MDGA2: variants seen among roughly 807,000 people sequenced by gnomAD.
MDGA2 encodes the protein MAM domain-containing glycosylphosphatidylinositol anchor protein 2.
In MDGA2, 40 loss-of-function variants were observed where a neutral mutation model predicts 117.8. The ratio of observed to expected loss-of-function variants is 0.34; its 90% CI spans 0.26 to 0.44. The LOEUF (loss-of-function observed/expected upper bound fraction) is 0.44. Among genes scored for constraint, MDGA2 ranks in the 20% least tolerant of loss-of-function variants. The probability of loss-of-function intolerance (pLI) is 1.00; values close to 1 mark genes in which losing one functional copy is unlikely to be tolerated. For missense variants in MDGA2, 1,123 were observed against 1,250.6 expected, an observed-to-expected ratio of 0.90 and a Z score of 1.54; for synonymous variants, 452 against 439.0, an observed-to-expected ratio of 1.03 and a Z score of -0.37.
chr14:47,011,992 C>T (rs928874846), intron 8 of MDGA2, among the ~76,000 whole-genome samples: 1 of 41,842 alleles, frequency 2.4e-5, no homozygotes, highest in African/African-American at 7.6e-5. Context: ...CAGCACCTTC[C>T]TGAATTGTGT....
chr14:47,273,772 T>C (rs1356007635), intron 2 of MDGA2, among the ~76,000 whole-genome samples: 1 of 152,154 alleles, frequency 6.6e-6, no homozygotes, highest in East Asian at 1.9e-4. Context: ...TAAAGGATAA[T>C]ATAGTGAAGT....
chr14:47,543,569 A>ATTTT (rs1413539441), intron 1 of MDGA2, among the ~76,000 whole-genome samples: 1 of 152,170 alleles, frequency 6.6e-6, no homozygotes, highest in Non-Finnish European at 1.5e-5. Context: ...GACACCATCA[A>ATTTT]TTTTCTAGTT....
At chr14:47,036,470 A>G (rs1425106437) in intron 7 of MDGA2, among the ~76,000 whole-genome samples, 1 of 152,176 alleles carries the variant, frequency 6.6e-6, no homozygotes. Flanking sequence ...TCTTACAAAC[A>G]TCACTAGTTC....
intron 8 of MDGA2, among the ~76,000 whole-genome samples, chr14:46,987,436 T>G (rs973475702): frequency 6.6e-6 from 1 of 152,132 alleles, no homozygotes; most frequent in South Asian, 2.1e-4. Context: ...CAAGAGCTAC[T>G]CTTTATCAGA....
At chr14:46,842,221 T>C (rs547188697) in intron 16 of MDGA2, among the ~76,000 whole-genome samples, 1 of 152,256 alleles carries the variant, frequency 6.6e-6, no homozygotes, top group South Asian at 2.1e-4. Context: ...AGGCACTTGA[T>C]AAAAAGATTT....
At chr14:47,142,070 T>C (rs1419417640) in intron 4 of MDGA2, among the ~76,000 whole-genome samples, 2 of 152,180 alleles carry the variant, frequency 1.3e-5, no homozygotes, top group Non-Finnish European at 1.5e-5. Flanking sequence ...CTAAATACTT[T>C]GATAGTATGA....
intron 1 of MDGA2, among the ~76,000 whole-genome samples, chr14:47,313,347 AC>A (rs1889703078): frequency 1.3e-5 from 2 of 152,102 alleles, no homozygotes; most frequent in Admixed American, 6.5e-5. Context: ...ACCTTGGCTC[AC>A]TGCAGACTTA....
rs926214937 is a variant in MDGA2 at position 46,841,662 on chromosome 14, C to T, written c.*269G>A. The T allele has an allele frequency of 9.6e-5, 19 of 198,426 alleles. No individual in the cohort carries two copies. The highest frequency in any genetic ancestry group is 9.2e-5 in the East Asian group (1 of 10,866). 12.3% of individuals were successfully genotyped at this position (198,426 alleles called of 1,614,324 possible). On this transcript the variant is annotated 3_prime_UTR_variant, in exon 17 of 17. Coordinates refer to ENST00000399232, the MANE Select transcript of MDGA2 (RefSeq NM_001113498.3). ...TTTTTTCCAGAGTTCAACCAGATGA[C>T]GCTGTAATCTTTTTAGCCACAAAAG...
At chr14:47,180,508 A>G (rs568999866) in intron 3 of MDGA2, among the ~76,000 whole-genome samples, 2 of 152,114 alleles carry the variant, frequency 1.3e-5, no homozygotes, top group Non-Finnish European at 2.9e-5. Context: ...TGCAAGGAAA[A>G]ACCCCATAAA....
chr14:46,952,469 G>A (rs1478567373), intron 9 of MDGA2, among the ~76,000 whole-genome samples: 1 of 151,964 alleles, frequency 6.6e-6, no homozygotes, highest in Non-Finnish European at 1.5e-5. Flanking sequence ...CACTTAACCT[G>A]AGTGAAATAA....
intron 2 of MDGA2, among the ~76,000 whole-genome samples, chr14:47,225,482 T>C (rs1254605219): frequency 1.3e-5 from 2 of 151,780 alleles, no homozygotes; most frequent in South Asian, 2.1e-4. Flanking sequence ...TATGCAGCCA[T>C]AAAAAAGGAT....
At chr14:46,941,098 T>C (rs925564607) in intron 9 of MDGA2, among the ~76,000 whole-genome samples, 4 of 152,164 alleles carry the variant, frequency 2.6e-5, no homozygotes, top group African/African-American at 9.7e-5. Context: ...AGAGCACAAA[T>C]AACTGCTCTT....
chr14:47,173,252 C>T (rs1884252309), intron 3 of MDGA2, among the ~76,000 whole-genome samples: 1 of 152,106 alleles, frequency 6.6e-6, no homozygotes, highest in South Asian at 2.1e-4. Flanking sequence ...AGAACTTCCC[C>T]AATCTAGCAA....
intron 3 of MDGA2, among the ~76,000 whole-genome samples, chr14:47,149,913 TCCCTAACTC>T (rs1187068456): frequency 1.3e-5 from 2 of 152,128 alleles, no homozygotes; most frequent in Non-Finnish European, 2.9e-5. Context: ...CATACATACT[TCCCTAACTC>T]CTGGCTGAGG....
chr14:46,888,129 A>T (rs941665586), intron 10 of MDGA2, among the ~76,000 whole-genome samples: 2 of 152,016 alleles, frequency 1.3e-5, no homozygotes, highest in African/African-American at 2.4e-5. Flanking sequence ...CCAAGTCTTT[A>T]ATTTAAGCTG....
chr14:47,042,461 T>C (rs1301442961), intron 7 of MDGA2, among the ~76,000 whole-genome samples: 2 of 152,120 alleles, frequency 1.3e-5, no homozygotes, highest in Middle Eastern at 6.8e-3. Context: ...GTAAGCAACA[T>C]CTTCATTTCA....
chr14:47,178,331 T>C (rs892741982), intron 3 of MDGA2, among the ~76,000 whole-genome samples: 1 of 152,168 alleles, frequency 6.6e-6, no homozygotes, highest in Non-Finnish European at 1.5e-5. Context: ...AGAGCATCTC[T>C]ACTCGGTCGA....
chr14:47,588,891 G>A (rs1896383154), intron 1 of MDGA2, among the ~76,000 whole-genome samples: 1 of 151,910 alleles, frequency 6.6e-6, no homozygotes, highest in African/African-American at 2.4e-5. Context: ...GGAGGCTCTA[G>A]GAAAGTATCT....
rs185569854 is a variant in MDGA2 at position 47,342,628 on chromosome 14, A to G, written c.281-41078T>C. ...AAATGCAGCTATATATTTTACTAAGAAGAATTCCAGCACAGCATAGAAATA... is the reference window on the plus strand; with the variant it reads ...AAATGCAGCTATATATTTTACTAAGGAGAATTCCAGCACAGCATAGAAATA... On this transcript the variant is annotated intron_variant, in intron 1 of 16. Coordinates refer to ENST00000399232, the MANE Select transcript of MDGA2 (RefSeq NM_001113498.3). 1.2e-3 allele frequency among the ~76,000 whole-genome samples: 187 copies of G among 152,284 alleles called. 3 individuals are homozygous for G. Among genetic ancestry groups the G allele is most frequent in the African/African-American group, 4.4e-3 (181 of 41,560 alleles).
Sources: gnomAD v4.1 joint callset for allele counts (sites outside exome capture counted in the v4.1 genomes callset) on GRCh38, gnomAD v4.1.1 for gene constraint, MANE v1.5 for transcripts, NCBI Gene and HGNC (gene_info 2026-07-23, HGNC 2026-07-21) for gene names.